REDIC1: variants seen among roughly 807,000 people sequenced by gnomAD.
REDIC1 encodes the protein HEI10 Interacting Protein 1.
At chr12:39,757,984 T>C in the REDIC1 span, 4 of 152,050 alleles carry the variant, frequency 2.6e-5, no homozygotes, top group African/African-American at 9.7e-5. Flanking sequence ...TACCATATAG[T>C]AGCTTATTTT....
At chr12:39,901,672 C>T in the REDIC1 span, among the ~76,000 whole-genome samples, 1 of 128,756 alleles carries the variant, frequency 7.8e-6, no homozygotes, top group Admixed American at 8.3e-5. Flanking sequence ...GAATGGCAAT[C>T]ATTAAAAAGT....
chr12:39,712,043 T>TACCTGTATGTATATATACCC, the REDIC1 span, among the ~76,000 whole-genome samples: 7 of 141,310 alleles, frequency 5.0e-5, no homozygotes, highest in Admixed American at 1.4e-4. Flanking sequence ...TATATATACC[T>TACCTGTATGTATATATACCC]ACCTGTATGT....
the REDIC1 span, chr12:39,758,567 A>G: frequency 6.6e-6 from 1 of 152,026 alleles, no homozygotes; most frequent in Non-Finnish European, 1.5e-5. Flanking sequence ...TGTACATACT[A>G]TATAGTTCTT....
At chr12:39,764,415 G>A in the REDIC1 span, 1 of 1,453,438 alleles carries the variant, frequency 6.9e-7, no homozygotes. Flanking sequence ...TAAAAATAGT[G>A]ATAAAAATAA....
chr12:39,647,217 A>G, the REDIC1 span, among the ~76,000 whole-genome samples: 2 of 152,086 alleles, frequency 1.3e-5, no homozygotes, highest in African/African-American at 2.4e-5. Flanking sequence ...CTGTTCAAAC[A>G]TAGTAACCAG....
At chr12:39,784,344 C>A in the REDIC1 span, among the ~76,000 whole-genome samples, 1 of 152,118 alleles carries the variant, frequency 6.6e-6, no homozygotes, top group East Asian at 1.9e-4. Context: ...GCTACAGTAA[C>A]CAAAACAGCA....
At chr12:39,724,150 A>G in the REDIC1 span, among the ~76,000 whole-genome samples, 1 of 152,126 alleles carries the variant, frequency 6.6e-6, no homozygotes, top group Admixed American at 6.6e-5. Flanking sequence ...TTTAAACAAT[A>G]TCTGATGGGA....
chr12:39,662,068 G>A, the REDIC1 span, among the ~76,000 whole-genome samples: 1 of 152,106 alleles, frequency 6.6e-6, no homozygotes, highest in Non-Finnish European at 1.5e-5. Flanking sequence ...ATATTTTGAA[G>A]TTGGGTAGTG....
the REDIC1 span, among the ~76,000 whole-genome samples, chr12:39,856,371 A>T: frequency 6.6e-6 from 1 of 151,848 alleles, no homozygotes; most frequent in Non-Finnish European, 1.5e-5. Flanking sequence ...TATTTTATTT[A>T]TTTTATTTTA....
At chr12:39,682,476 A>G in the REDIC1 span, 5 of 479,888 alleles carry the variant, frequency 1.0e-5, no homozygotes, top group Non-Finnish European at 1.7e-5. Flanking sequence ...ATTTATTTAA[A>G]TATAAAAAAT....
chr12:39,826,316 CCTTT>C, the REDIC1 span, among the ~76,000 whole-genome samples: 1 of 151,774 alleles, frequency 6.6e-6, no homozygotes, highest in East Asian at 1.9e-4. Context: ...GTATTTCTAA[CCTTT>C]CTGTGACTGT....
the REDIC1 span, among the ~76,000 whole-genome samples, chr12:39,694,184 G>A: frequency 4.6e-3 from 705 of 152,214 alleles, 4 homozygotes; most frequent in African/African-American, 0.016. Context: ...GAAAGATGTA[G>A]ATGAGGGGTG....
chr12:39,714,543 T>C, the REDIC1 span, among the ~76,000 whole-genome samples: 1 of 151,616 alleles, frequency 6.6e-6, no homozygotes, highest in African/African-American at 2.4e-5. Flanking sequence ...TTTTGAATTT[T>C]TTGAATATTG....
At chr12:39,851,466 T>C in the REDIC1 span, among the ~76,000 whole-genome samples, 1 of 152,200 alleles carries the variant, frequency 6.6e-6, no homozygotes, top group Non-Finnish European at 1.5e-5. Context: ...CAGTGCACTT[T>C]TTTTAGTGTA....
the REDIC1 span, among the ~76,000 whole-genome samples, chr12:39,850,571 A>C: frequency 6.6e-6 from 1 of 152,228 alleles, no homozygotes; most frequent in Non-Finnish European, 1.5e-5. Flanking sequence ...AAATAAAGTT[A>C]ACAATAATTG....
At chr12:39,794,966 C>T in the REDIC1 span, among the ~76,000 whole-genome samples, 3 of 152,028 alleles carry the variant, frequency 2.0e-5, no homozygotes, top group Non-Finnish European at 4.4e-5. Flanking sequence ...AGATTTTCTC[C>T]TTCTCTTTGC....
At chr12:39,729,383 T>C in the REDIC1 span, among the ~76,000 whole-genome samples, 3 of 151,982 alleles carry the variant, frequency 2.0e-5, no homozygotes, top group South Asian at 4.1e-4. Flanking sequence ...GGTTTCAATG[T>C]ACTTATTTAT....
the REDIC1 span, among the ~76,000 whole-genome samples, chr12:39,711,031 A>C: frequency 6.6e-6 from 1 of 151,318 alleles, no homozygotes; most frequent in Non-Finnish European, 1.5e-5. Flanking sequence ...GTAGTCTTTT[A>C]TCCCACTTCC....
the REDIC1 span, among the ~76,000 whole-genome samples, chr12:39,792,947 C>G: frequency 6.6e-6 from 1 of 152,148 alleles, no homozygotes; most frequent in Non-Finnish European, 1.5e-5. Flanking sequence ...AAGTTATGAA[C>G]TTTAAGTAGG....
Sources: allele counts gnomAD v4.1 joint callset (sites outside exome capture counted in the v4.1 genomes callset), GRCh38; gene constraint gnomAD v4.1.1; transcripts MANE v1.5; gene names NCBI Gene and HGNC (gene_info 2026-07-23, HGNC 2026-07-21).